The following STK32C variants were observed in gnomAD, a reference collection of about 807,000 sequenced individuals.
STK32C encodes the protein serine/threonine-protein kinase 32C.
Under a neutral mutation model 56.5 loss-of-function variants are expected in STK32C, and 31 were observed. The ratio of observed to expected loss-of-function variants is 0.55; its 90% CI spans 0.41 to 0.74. The LOEUF is 0.74. Ranked by LOEUF, STK32C falls within the 30% of genes least tolerant of loss-of-function variation. STK32C has a pLI of 0.00. For synonymous variants in STK32C, 309 were observed against 289.4 expected, an observed-to-expected ratio of 1.07 and a Z score of -0.69; for missense variants, 544 against 676.9, an observed-to-expected ratio of 0.80 and a Z score of 2.18.
intron 4 of STK32C, among the ~76,000 whole-genome samples, chr10:132,226,291 G>T (rs550086128): frequency 2.6e-5 from 4 of 152,152 alleles, no homozygotes; most frequent in Admixed American, 1.3e-4. Context: ...CCATTGCTGC[G>T]GAATTTCAGC....
intron 1 of STK32C, among the ~76,000 whole-genome samples, chr10:132,247,796 G>A (rs559113227): frequency 1.8e-4 from 27 of 152,144 alleles, no homozygotes; most frequent in Non-Finnish European, 2.6e-4. Context: ...TGATTTAAGC[G>A]CCTTAGAAAG....
At chr10:132,223,030 C>A in intron 8 of STK32C, 44 bp from the exon 9 acceptor site, 1 of 1,533,000 alleles carries the variant, frequency 6.5e-7, no homozygotes, top group Middle Eastern at 2.3e-4. Context: ...CCACAGCCCA[C>A]CAGCACGGAA....
At chr10:132,277,486 C>T (rs181685653) in intron 1 of STK32C, among the ~76,000 whole-genome samples, 312 of 152,316 alleles carry the variant, frequency 2.0e-3, no homozygotes, top group African/African-American at 7.2e-3. Flanking sequence ...GCCTGGCCCC[C>T]GGCTGCAGTT....
chr10:132,326,481 G>A (rs1048921657), intron 1 of STK32C, among the ~76,000 whole-genome samples: 9 of 152,142 alleles, frequency 5.9e-5, no homozygotes, highest in Non-Finnish European at 8.8e-5. Context: ...ATGGGTGCAC[G>A]CCTGGCTAAT....
At chr10:132,306,463 C>T (rs1188253926) in intron 1 of STK32C, among the ~76,000 whole-genome samples, 2 of 152,390 alleles carry the variant, frequency 1.3e-5, no homozygotes, top group East Asian at 3.9e-4. Flanking sequence ...GGGCCTTCAG[C>T]CCTCCTTCTA....
chr10:132,232,186 G>C (rs1461315247), intron 2 of STK32C, among the ~76,000 whole-genome samples: 1 of 111,320 alleles, frequency 9.0e-6, no homozygotes, highest in Non-Finnish European at 1.9e-5. Flanking sequence ...TTCTGACCCA[G>C]GCCAGCAGGT....
intron 1 of STK32C, among the ~76,000 whole-genome samples, chr10:132,287,776 T>C (rs1444088152): frequency 2.0e-5 from 3 of 152,010 alleles, no homozygotes; most frequent in East Asian, 3.9e-4. Context: ...TTTTAAGAGA[T>C]CCATTCTCCC....
intron 1 of STK32C, among the ~76,000 whole-genome samples, chr10:132,274,903 C>G (rs1329048520): frequency 6.6e-6 from 1 of 152,222 alleles, no homozygotes; most frequent in Non-Finnish European, 1.5e-5. Context: ...TTAAATCCAC[C>G]CTGTTCTTCC....
upstream of STK32C, among the ~76,000 whole-genome samples, chr10:132,308,710 G>A (rs1388385026): frequency 6.6e-6 from 1 of 152,200 alleles, no homozygotes; most frequent in African/African-American, 2.4e-5. Flanking sequence ...CTGAGACCGC[G>A]TGCCCGAGTC....
At chr10:132,262,773 ACAGGTAAAATACATG>A (rs1226334561) in intron 1 of STK32C, among the ~76,000 whole-genome samples, 1 of 150,688 alleles carries the variant, frequency 6.6e-6, no homozygotes, top group Non-Finnish European at 1.5e-5. Flanking sequence ...AAAAAAAAAA[ACAGGTAAAATACATG>A]AACAGACACT....
chr10:132,330,630 C>A, intron 1 of STK32C: 3 of 675,256 alleles, frequency 4.4e-6, no homozygotes, highest in Non-Finnish European at 8.2e-6. Context: ...GCCTCACCCT[C>A]CCACACAGCT....
At chr10:132,261,233 C>T (rs1313698899) in intron 1 of STK32C, among the ~76,000 whole-genome samples, 3 of 152,184 alleles carry the variant, frequency 2.0e-5, no homozygotes, top group African/African-American at 4.8e-5. Context: ...GCTGGAGAAT[C>T]TCCCCGGGGA....
intron 1 of STK32C, among the ~76,000 whole-genome samples, chr10:132,290,281 C>G (rs116742312): frequency 1.3e-5 from 2 of 152,328 alleles, no homozygotes; most frequent in African/African-American, 4.8e-5. Context: ...TCCATGTGCC[C>G]AGCTCCCTTC....
At chr10:132,222,599 G>A in intron 10 of STK32C, 42 bp downstream of exon 10, 1 of 1,602,246 alleles carries the variant, frequency 6.2e-7, no homozygotes, top group Non-Finnish European at 8.5e-7. Context: ...GGAGCCCCAA[G>A]CCCAGCCCGC....
At chr10:132,262,624 A>G (rs2064339835) in intron 1 of STK32C, among the ~76,000 whole-genome samples, 1 of 152,154 alleles carries the variant, frequency 6.6e-6, no homozygotes, top group Admixed American at 6.5e-5. Context: ...AAAAACGGGT[A>G]AGATACAGCT....
chr10:132,251,909 G>A (rs12778276), intron 1 of STK32C, among the ~76,000 whole-genome samples: 8 of 141,044 alleles, frequency 5.7e-5, no homozygotes, highest in South Asian at 4.6e-4. Context: ...GATGCCCTAC[G>A]CCTCCTGGGG....
chr10:132,230,676 T>TGGTGGGGGGGGGGGGGGGGGGGGGG (rs1301559652), intron 2 of STK32C, among the ~76,000 whole-genome samples: 1 of 6,766 alleles, frequency 1.5e-4, no homozygotes, highest in African/African-American at 6.2e-4. Flanking sequence ...GGGGGGAAGC[T>TGGTGGGGGGGGGGGGGGGGGGGGGG]GGCGGGGGGG....
chr10:132,242,686 T>C (rs898270614), intron 2 of STK32C, among the ~76,000 whole-genome samples: 1 of 152,072 alleles, frequency 6.6e-6, no homozygotes, highest in Admixed American at 6.5e-5. Flanking sequence ...AGCCTGCACA[T>C]CAGCCCTTGG....
downstream of STK32C, among the ~76,000 whole-genome samples, chr10:132,321,584 C>CT (rs2066408601): frequency 1.3e-5 from 2 of 152,188 alleles, no homozygotes; most frequent in African/African-American, 2.4e-5. Context: ...AATCCCAGCA[C>CT]TTTGGGAGGC....
Sources: gnomAD v4.1 joint callset for allele counts (sites outside exome capture counted in the v4.1 genomes callset) on GRCh38, gnomAD v4.1.1 for gene constraint, MANE v1.5 for transcripts, NCBI Gene and HGNC (gene_info 2026-07-23, HGNC 2026-07-21) for gene names.